The following HCN1 variants were observed in gnomAD, a reference collection of about 807,000 sequenced individuals.
The protein encoded by HCN1 is potassium/sodium hyperpolarization-activated cyclic nucleotide-gated channel 1.
A neutral mutation model predicts 78.9 loss-of-function variants in HCN1; 13 were observed. The ratio of observed to expected loss-of-function variants is 0.16; its 90% CI spans 0.11 to 0.26. HCN1 has a LOEUF of 0.26. Among genes scored for constraint, HCN1 ranks in the 10% least tolerant of loss-of-function variants. The pLI is 1.00. For synonymous variants in HCN1, 552 were observed against 455.5 expected, an observed-to-expected ratio of 1.21 and a Z score of -2.70; for missense variants, 810 against 1,154.3, an observed-to-expected ratio of 0.70 and a Z score of 4.32.
chr5:45,349,140 A>T (rs185214519), intron 5 of HCN1, among the ~76,000 whole-genome samples: 18,804 of 152,198 alleles, frequency 0.12, 1,439 homozygotes, highest in East Asian at 0.33. Flanking sequence ...TCTCCTCAGC[A>T]AATGTAAAAG....
At chr5:45,519,050 G>C (rs912318660) in intron 2 of HCN1, among the ~76,000 whole-genome samples, 3 of 151,658 alleles carry the variant, frequency 2.0e-5, no homozygotes, top group African/African-American at 7.3e-5. Flanking sequence ...CTGATTGCCA[G>C]AACAAAAAGA....
rs147530374 is a variant in HCN1 at position 45,618,863 on chromosome 5, G to A, written c.849+26322C>T. The stretch of plus-strand genomic sequence containing the variant: ...AAAAAGGAGAGACAGCAATCTAGAC[G>A]GGATATAAAGAGTTCACTTTTTAAC... On this transcript the variant is annotated intron_variant, in intron 2 of 7. Transcript: ENST00000303230. Among the ~76,000 whole-genome samples the A allele has an allele frequency of 2.9e-3, 439 of 152,016 alleles. 1 individual carries two copies. The highest frequency in any genetic ancestry group is 6.8e-3 in the Middle Eastern group (2 of 294).
At chr5:45,679,857 T>G (rs1739672648) in intron 1 of HCN1, among the ~76,000 whole-genome samples, 1 of 152,178 alleles carries the variant, frequency 6.6e-6, no homozygotes, top group Middle Eastern at 3.4e-3. Flanking sequence ...GTGACACTGA[T>G]TTAAGAACAC....
chr5:45,430,940 A>C (rs1212574022), intron 3 of HCN1, among the ~76,000 whole-genome samples: 8 of 152,184 alleles, frequency 5.3e-5, no homozygotes, highest in Non-Finnish European at 1.2e-4. Flanking sequence ...ACAATGATTT[A>C]TATTCCTTTG....
At chr5:45,638,571 A>ATG (rs1745397164) in intron 2 of HCN1, among the ~76,000 whole-genome samples, 1 of 152,146 alleles carries the variant, frequency 6.6e-6, no homozygotes, top group Non-Finnish European at 1.5e-5. Flanking sequence ...CCTCTAACAT[A>ATG]TGTATATATA....
intron 3 of HCN1, among the ~76,000 whole-genome samples, chr5:45,412,605 T>G (rs1377841638): frequency 1.3e-5 from 2 of 152,112 alleles, no homozygotes; most frequent in Non-Finnish European, 2.9e-5. Context: ...TCTCTCTATT[T>G]ACATAAGAAA....
chr5:45,450,044 GATGGTC>G (rs1236005439), intron 3 of HCN1, among the ~76,000 whole-genome samples: 1 of 152,152 alleles, frequency 6.6e-6, no homozygotes, highest in Non-Finnish European at 1.5e-5. Context: ...TGTTAGCCAG[GATGGTC>G]TCAATCTCCT....
At chr5:45,380,372 C>T (rs919375422) in intron 4 of HCN1, among the ~76,000 whole-genome samples, 1 of 152,092 alleles carries the variant, frequency 6.6e-6, no homozygotes, top group African/African-American at 2.4e-5. Flanking sequence ...TAAGCTTCAA[C>T]ATGAATTTTG....
intron 2 of HCN1, among the ~76,000 whole-genome samples, chr5:45,606,886 T>C (rs1744736535): frequency 1.3e-5 from 2 of 151,974 alleles, no homozygotes; most frequent in Admixed American, 1.3e-4. Flanking sequence ...ATATGAAACT[T>C]CTATAATGTA....
At chr5:45,275,760 A>C (rs1745045509) in intron 6 of HCN1, among the ~76,000 whole-genome samples, 1 of 152,192 alleles carries the variant, frequency 6.6e-6, no homozygotes, top group Admixed American at 6.6e-5. Context: ...TAAACAGATT[A>C]AAGGGGTTCT....
chr5:45,556,652 C>T (rs1743475574), intron 2 of HCN1, among the ~76,000 whole-genome samples: 1 of 151,856 alleles, frequency 6.6e-6, no homozygotes, highest in African/African-American at 2.4e-5. Context: ...GTTTTAGTCT[C>T]CTCACCCCAA....
At chr5:45,499,614 CCT>C (rs1345374947) in intron 2 of HCN1, among the ~76,000 whole-genome samples, 10 of 152,100 alleles carry the variant, frequency 6.6e-5, no homozygotes, top group African/African-American at 2.4e-4. Flanking sequence ...GGCTCCTCCC[CCT>C]GTGTTTTGAT....
chr5:45,569,635 T>G (rs1356797195), intron 2 of HCN1, among the ~76,000 whole-genome samples: 2 of 152,112 alleles, frequency 1.3e-5, no homozygotes, highest in Admixed American at 6.6e-5. Flanking sequence ...AGTTCTCAAC[T>G]AATACAAGAT....
At chr5:45,283,614 T>C (rs925910272) in intron 6 of HCN1, among the ~76,000 whole-genome samples, 46 of 152,070 alleles carry the variant, frequency 3.0e-4, no homozygotes, top group Non-Finnish European at 1.6e-4. Flanking sequence ...CTAGTCAGAA[T>C]GTCTACCATT....
chr5:45,373,098 T>C (rs1290372690), intron 4 of HCN1, among the ~76,000 whole-genome samples: 4 of 133,416 alleles, frequency 3.0e-5, no homozygotes, highest in Non-Finnish European at 3.1e-5. Context: ...ATATAATATA[T>C]ATAAAATACA....
In HCN1 at chr5:45,256,183, CAACATGGTAAAACCCTGTCTCT is replaced by C. The variant is rs1271837022; in HGVS notation, c.*5716_*5737del. ...GTTAGGGGTTCGAGACCGGCCTGGC[CAACATGGTAAAACCCTGTCTCT>C]ACTAAAAATTACAAAAATTTAGCTA... On this transcript the variant is annotated 3_prime_UTR_variant, in exon 8 of 8. Transcript: ENST00000303230. 1 of 151,954 alleles carries C rather than the reference CAACATGGTAAAACCCTGTCTCT, an allele frequency of 6.6e-6. No homozygotes were observed. Among genetic ancestry groups the C allele is most frequent in the Non-Finnish European group, 1.5e-5 (1 of 68,006 alleles). The allele number at this position is 151,954 out of a possible 1,614,324, so 9.4% of individuals were successfully genotyped here. A position where few individuals can be genotyped will look rare whatever the true frequency, so the allele number is the denominator to read the frequency against.
chr5:45,480,527 G>A (rs1379624180), intron 2 of HCN1, among the ~76,000 whole-genome samples: 2 of 152,154 alleles, frequency 1.3e-5, no homozygotes, highest in Non-Finnish European at 1.5e-5. Context: ...AAAAAAGAAA[G>A]GGTGGGCATA....
In HCN1 at chr5:45,524,222, C is replaced by T. The variant is rs896383169; in HGVS notation, c.850-62215G>A. Among the ~76,000 whole-genome samples, 44 of 152,096 alleles carry T rather than the reference C, an allele frequency of 2.9e-4. 1 individual carries two copies. The highest frequency in any genetic ancestry group is 2.2e-3 in the Admixed American group (34 of 15,258). On this transcript the variant is annotated intron_variant, in intron 2 of 7. Coordinates refer to ENST00000303230, the MANE Select transcript of HCN1 (RefSeq NM_021072.4). ...TCTGTTCTGTTCCATTGATCTATAT[C>T]TCTGTTTTGCTACCAGTACTATGCT...
intron 2 of HCN1, among the ~76,000 whole-genome samples, chr5:45,503,235 G>A (rs1742227545): frequency 6.6e-6 from 1 of 152,096 alleles, no homozygotes. Context: ...CACCACCTAT[G>A]ATATAGTCTT....
Sources: allele counts gnomAD v4.1 joint callset (sites outside exome capture counted in the v4.1 genomes callset), GRCh38; gene constraint gnomAD v4.1.1; transcripts MANE v1.5; gene names NCBI Gene and HGNC (gene_info 2026-07-23, HGNC 2026-07-21).